The following TAFA1 variants were observed in gnomAD, a reference collection of about 807,000 sequenced individuals.
TAFA1 encodes TAFA chemokine like family member 1, also known as chemokine-like protein TAFA-1.
Under a neutral mutation model 18.5 loss-of-function variants are expected in TAFA1, and 4 were observed. The observed-to-expected ratio is 0.22, with a 90% CI of 0.11 to 0.49. The LOEUF (loss-of-function observed/expected upper bound fraction) is 0.49, where lower values mean the gene tolerates loss of function less well. Ranked by LOEUF, TAFA1 falls within the 20% of genes least tolerant of loss-of-function variation. TAFA1 has a pLI of 0.98. For missense variants in TAFA1, 147 were observed against 169.0 expected (o/e 0.87, Z 0.72); for synonymous variants, 56 against 55.2 (o/e 1.01, Z -0.06).
intron 2 of TAFA1, among the ~76,000 whole-genome samples, chr3:68,010,145 T>G (rs777349664): frequency 3.9e-5 from 6 of 152,188 alleles, no homozygotes; most frequent in Non-Finnish European, 7.4e-5. Context: ...AATCTTTCAC[T>G]CAGAGCCTTG....
At chr3:68,397,245 C>CAA (rs1391768542) in intron 2 of TAFA1, among the ~76,000 whole-genome samples, 1 of 152,058 alleles carries the variant, frequency 6.6e-6, no homozygotes, top group Non-Finnish European at 1.5e-5. Context: ...CTGCACCCAT[C>CAA]AACCCATCAC....
At chr3:68,192,910 A>G (rs1429313272) in intron 2 of TAFA1, among the ~76,000 whole-genome samples, 1 of 151,688 alleles carries the variant, frequency 6.6e-6, no homozygotes, top group Non-Finnish European at 1.5e-5. Flanking sequence ...CAGAATAGGG[A>G]ACAGAGTGTG....
At chr3:68,334,071 C>T (rs768128842) in intron 2 of TAFA1, among the ~76,000 whole-genome samples, 2 of 152,068 alleles carry the variant, frequency 1.3e-5, no homozygotes, top group Admixed American at 6.5e-5. Flanking sequence ...GTTCAGGAGG[C>T]CCAATGTGCA....
At chr3:68,142,514 T>TG (rs1338364857) in intron 2 of TAFA1, among the ~76,000 whole-genome samples, 1 of 152,190 alleles carries the variant, frequency 6.6e-6, no homozygotes, top group African/African-American at 2.4e-5. Context: ...TTGCATTTGC[T>TG]GGGGGTGGGA....
intron 3 of TAFA1, among the ~76,000 whole-genome samples, chr3:68,441,488 G>A (rs567843223): frequency 2.6e-5 from 4 of 152,232 alleles, no homozygotes; most frequent in East Asian, 3.9e-4. Flanking sequence ...GAAACTGAAC[G>A]TTTAACTATG....
At chr3:68,385,939 G>A (rs2070093531) in intron 2 of TAFA1, among the ~76,000 whole-genome samples, 1 of 152,028 alleles carries the variant, frequency 6.6e-6, no homozygotes, top group Admixed American at 6.6e-5. Context: ...GGAGCATTGA[G>A]TATCCTTTTT....
At position 68,186,636 on chromosome 3, in the gene TAFA1, T is replaced by C. The variant is rs190366356; in HGVS notation, c.118+179892T>C. On this transcript the variant is annotated intron_variant, in intron 2 of 4. Transcript: ENST00000478136. The stretch of plus-strand genomic sequence containing the variant: ...TCCCCACCTGGAGATAAGATTATTG[T>C]TGATTCTTCTGTAGGTATCTCTACC... Among the ~76,000 whole-genome samples the C allele has an allele frequency of 1.1e-4, 16 of 152,190 alleles. No homozygotes were observed. The East Asian group carries it at 2.9e-3, about 28-fold the overall frequency.
At position 68,015,308 on chromosome 3, in the gene TAFA1, C is replaced by T. The variant is rs1385609170; in HGVS notation, c.118+8564C>T. On this transcript the variant is annotated intron_variant, in intron 2 of 4. Coordinates refer to ENST00000478136, the MANE Select transcript of TAFA1 (RefSeq NM_213609.4). Reference sequence around the variant, plus strand: ...TTTTCTTTCCTTTTTTTTTTTGAGACGTAGTTTTGCTCTTGTTGCCTAGGC... The same window carrying T: ...TTTTCTTTCCTTTTTTTTTTTGAGATGTAGTTTTGCTCTTGTTGCCTAGGC... Among the ~76,000 whole-genome samples, 6 of 137,752 alleles carry T rather than the reference C, an allele frequency of 4.4e-5. No homozygotes were observed. The East Asian group carries it at 6.3e-4, about 14-fold the overall frequency. The allele number at this position is 137,752 out of a possible 152,430, so 90.4% of individuals were successfully genotyped here.
At chr3:68,394,820 A>T (rs1016087598) in intron 2 of TAFA1, among the ~76,000 whole-genome samples, 21 of 152,226 alleles carry the variant, frequency 1.4e-4, no homozygotes, top group African/African-American at 5.1e-4. Flanking sequence ...AAAGATTTAG[A>T]TGTAAGTCCT....
intron 2 of TAFA1, among the ~76,000 whole-genome samples, chr3:68,130,706 C>G (rs1483696266): frequency 6.6e-6 from 1 of 152,186 alleles, no homozygotes; most frequent in African/African-American, 2.4e-5. Context: ...AGTTACATTT[C>G]CCTTCCTCGA....
chr3:68,112,091 G>A (rs2065269423), intron 2 of TAFA1, among the ~76,000 whole-genome samples: 1 of 30,396 alleles, frequency 3.3e-5, no homozygotes, highest in Non-Finnish European at 1.1e-4. Context: ...TGAAGCACTG[G>A]ATGAAAAAAA....
Position 68,499,775 on chromosome 3 carries a change from G to A in TAFA1, c.260-38981G>A, listed in dbSNP as rs182876551. Among the ~76,000 whole-genome samples the A allele has an allele frequency of 3.0e-3, 450 of 151,602 alleles. 2 individuals carry two copies. Among genetic ancestry groups the A allele is most frequent in the Non-Finnish European group, 4.9e-3 (331 of 67,908 alleles). ...CACAGGTAGTTATTAGAAGCAAAGG[G>A]CAGTTTTGAAAATGTATGTCTGTCA... is the stretch of plus-strand genomic sequence containing the variant. On this transcript the variant is annotated intron_variant, in intron 3 of 4. Transcript: ENST00000478136.
chr3:68,049,259 G>A (rs972661701), intron 2 of TAFA1, among the ~76,000 whole-genome samples: 1 of 152,090 alleles, frequency 6.6e-6, no homozygotes, highest in African/African-American at 2.4e-5. Context: ...TTTGCCTACG[G>A]TGTCTAGAGT....
At chr3:68,010,473 G>T (rs1575572042) in intron 2 of TAFA1, among the ~76,000 whole-genome samples, 14 of 152,182 alleles carry the variant, frequency 9.2e-5, no homozygotes, top group Admixed American at 9.2e-4. Flanking sequence ...ACATGAAATC[G>T]AGACCACGTT....
chr3:68,444,774 ATATATATAT>A (rs2071446824), intron 3 of TAFA1, among the ~76,000 whole-genome samples: 1 of 3,208 alleles, frequency 3.1e-4, no homozygotes, highest in Non-Finnish European at 5.3e-4. Flanking sequence ...TCTACAAAAT[ATATATATAT>A]ATATATATAT....
chr3:68,250,332 C>A (rs566197493), intron 2 of TAFA1, among the ~76,000 whole-genome samples: 52 of 152,196 alleles, frequency 3.4e-4, no homozygotes, highest in Admixed American at 2.8e-3. Flanking sequence ...GATCTTATAG[C>A]GTAAGATTAT....
chr3:68,190,935 A>G (rs1160664337), intron 2 of TAFA1, among the ~76,000 whole-genome samples: 1 of 151,754 alleles, frequency 6.6e-6, no homozygotes, highest in Non-Finnish European at 1.5e-5. Flanking sequence ...AATACCTCTC[A>G]CCCCACATTG....
intron 2 of TAFA1, among the ~76,000 whole-genome samples, chr3:68,320,300 G>T (rs191681977): frequency 2.5e-4 from 38 of 152,218 alleles, no homozygotes; most frequent in African/African-American, 8.2e-4. Context: ...TGGATGCAGG[G>T]GTGTGTTCTG....
At chr3:67,991,889 A>G in the TAFA1 span, among the ~76,000 whole-genome samples, 3 of 152,196 alleles carry the variant, frequency 2.0e-5, no homozygotes, top group South Asian at 2.1e-4. Flanking sequence ...ATCTATATCT[A>G]TAAACTGTCA....
Sources: gnomAD v4.1 joint callset for allele counts (sites outside exome capture counted in the v4.1 genomes callset) on GRCh38, gnomAD v4.1.1 for gene constraint, MANE v1.5 for transcripts, NCBI Gene and HGNC (gene_info 2026-07-23, HGNC 2026-07-21) for gene names.